The following CMIP variants were observed in gnomAD, a reference collection of about 807,000 sequenced individuals.
CMIP encodes c-Maf inducing protein.
CMIP carries 13 observed loss-of-function variants against 97.3 expected under a neutral mutation model. That is an observed-to-expected ratio of 0.13 (90% CI 0.09 to 0.21). CMIP has a LOEUF of 0.21. CMIP is among the 10% of genes least tolerant of loss of function. The probability of loss-of-function intolerance (pLI) is 1.00; values close to 1 mark genes in which losing one functional copy is unlikely to be tolerated. For missense variants in CMIP, 847 were observed against 1,024.9 expected (o/e 0.83, Z 2.37); for synonymous variants, 538 against 436.3 (o/e 1.23, Z -2.91).
At chr16:81,461,510 A>G (rs1230428221) in intron 1 of CMIP, among the ~76,000 whole-genome samples, 2 of 152,154 alleles carry the variant, frequency 1.3e-5, no homozygotes, top group East Asian at 1.9e-4. Flanking sequence ...CTAATAATCA[A>G]TTGTTGTTGG....
intron 3 of CMIP, among the ~76,000 whole-genome samples, chr16:81,626,805 GTGTGT>G (rs1315110293): frequency 6.7e-5 from 9 of 135,102 alleles, no homozygotes; most frequent in African/African-American, 2.1e-4. Context: ...GTGTGTGTGT[GTGTGT>G]GTGTGTGGGG....
intron 1 of CMIP, among the ~76,000 whole-genome samples, chr16:81,458,278 C>A (rs889104979): frequency 6.6e-6 from 1 of 152,156 alleles, no homozygotes. Flanking sequence ...ACCCCATCAC[C>A]TGGAAGGCTA....
chr16:81,663,183 C>A (rs1027431541), intron 6 of CMIP, among the ~76,000 whole-genome samples: 1 of 151,854 alleles, frequency 6.6e-6, no homozygotes, highest in South Asian at 2.1e-4. Context: ...CAAACATCTA[C>A]ATGCCGACGT....
chr16:81,672,013 A>C lies in CMIP; in HGVS notation c.977A>C (p.Asn326Thr). 6.2e-7 allele frequency: 1 copy of C among 1,606,614 alleles called. No homozygotes were observed. Among genetic ancestry groups the C allele is most frequent in the Non-Finnish European group, 8.5e-7 (1 of 1,176,398 alleles). Residue 326 changes from asparagine (N) to threonine (T), a missense_variant, in exon 9 of 21, where the codon AAC becomes ACC. Physicochemically the swap from Asn to Thr is moderately conservative, Grantham distance 65. Coordinates refer to ENST00000537098, the MANE Select transcript of CMIP (RefSeq NM_198390.3). ...TGCCCCCACCCCCGGGTCCTGCCCA[A>C]CCTGGTGGCCGTGTGCCTGGCTGCC... ...GHCPHPRVLP[N>T]LVAVCLAAIY...
At chr16:81,554,820 A>T (rs560566384) in intron 1 of CMIP, among the ~76,000 whole-genome samples, 13 of 152,368 alleles carry the variant, frequency 8.5e-5, no homozygotes, top group Admixed American at 7.8e-4. Flanking sequence ...TAGAGTGCTT[A>T]GCATCGTGTC....
rs1397244187 is a variant in CMIP at position 81,453,505 on chromosome 16, GCA to G, written c.300+7969_300+7970del. 6.6e-6 allele frequency among the ~76,000 whole-genome samples: 1 copy of G among 152,210 alleles called. No individual in the cohort carries two copies. The highest frequency in any genetic ancestry group is 1.9e-4 in the East Asian group (1 of 5,194). On this transcript the variant is annotated intron_variant, in intron 1 of 20. Coordinates refer to ENST00000537098, the MANE Select transcript of CMIP (RefSeq NM_198390.3). This position sits in a 1 kb window ranked among gnomAD's most constrained non-coding sequence, Gnocchi z 4.0. ...AGGTCCAGGATATCTGAAAATTGGAGCACACAGTCTGAGCAGACCCAGGCCTG... is the reference window on the plus strand; with the variant it reads ...AGGTCCAGGATATCTGAAAATTGGAGCACAGTCTGAGCAGACCCAGGCCTG...
intron 1 of CMIP, among the ~76,000 whole-genome samples, chr16:81,543,926 C>T (rs897211747): frequency 3.3e-5 from 5 of 152,206 alleles, no homozygotes; most frequent in African/African-American, 9.6e-5. Flanking sequence ...AGGTCTGAAT[C>T]GTATTATCGG....
intron 15 of CMIP, among the ~76,000 whole-genome samples, chr16:81,700,946 G>T (rs1272318145): frequency 1.3e-5 from 2 of 152,178 alleles, no homozygotes; most frequent in Non-Finnish European, 2.9e-5. Flanking sequence ...ACAGGCAAGA[G>T]GCGCTGTGAG....
intron 3 of CMIP, among the ~76,000 whole-genome samples, chr16:81,640,307 C>G (rs370008496): frequency 4.0e-5 from 6 of 150,044 alleles, no homozygotes; most frequent in African/African-American, 1.5e-4. Flanking sequence ...CCCAATTCCC[C>G]AGGGAAAGAA....
At chr16:81,633,763 C>CA (rs1331966340) in intron 3 of CMIP, among the ~76,000 whole-genome samples, 3 of 152,238 alleles carry the variant, frequency 2.0e-5, no homozygotes, top group African/African-American at 7.2e-5. Flanking sequence ...GGGGCTGGCA[C>CA]ATGCTTGGAC....
chr16:81,710,003 T>C lies in CMIP; in HGVS notation c.*204T>C, dbSNP rs1908584580. 2 of 545,034 alleles carry C rather than the reference T, an allele frequency of 3.7e-6. No homozygotes were observed. Among genetic ancestry groups the C allele is most frequent in the East Asian group, 3.2e-5 (1 of 31,102 alleles). The allele number at this position is 545,034 out of a possible 1,614,324, so 33.8% of individuals were successfully genotyped here. Reference sequence around the variant, plus strand: ...CCCCCGCCGAATTCTTTTAGCTTCGTAATTGGAACCTTTGACCTGATCTAA... The same window carrying C: ...CCCCCGCCGAATTCTTTTAGCTTCGCAATTGGAACCTTTGACCTGATCTAA... On this transcript the variant is annotated 3_prime_UTR_variant, in exon 21 of 21. Transcript: ENST00000537098.
At chr16:81,610,417 G>C (rs572492415) in intron 2 of CMIP, 6 of 985,992 alleles carry the variant, frequency 6.1e-6, no homozygotes, top group Non-Finnish European at 7.2e-6. Flanking sequence ...AGCAGGAGAG[G>C]AGGAAGCAGA....
chr16:81,660,859 C>G (rs761021576), intron 5 of CMIP, 25 bp from the exon 6 acceptor site: 7 of 1,613,808 alleles, frequency 4.3e-6, no homozygotes, highest in Non-Finnish European at 5.9e-6. Context: ...CCCACGGTTC[C>G]TGATGCTTGT....
intron 5 of CMIP, among the ~76,000 whole-genome samples, chr16:81,658,568 A>G (rs148245184): frequency 3.9e-3 from 593 of 152,354 alleles, no homozygotes; most frequent in African/African-American, 0.013. Flanking sequence ...CTGGGTTTTG[A>G]AGGATCAATA....
At chr16:81,513,977 C>T (rs1050821416) in intron 1 of CMIP, among the ~76,000 whole-genome samples, 2 of 151,760 alleles carry the variant, frequency 1.3e-5, no homozygotes, top group Non-Finnish European at 2.9e-5. Flanking sequence ...GTTTTGACCC[C>T]AAAACAGACC....
At chr16:81,634,720 GAAC>G (rs2092212380) in intron 3 of CMIP, among the ~76,000 whole-genome samples, 1 of 152,182 alleles carries the variant, frequency 6.6e-6, no homozygotes, top group African/African-American at 2.4e-5. Context: ...ATTTATTAAA[GAAC>G]AGGATCCTTC....
intron 1 of CMIP, among the ~76,000 whole-genome samples, chr16:81,450,962 C>G (rs1012332652): frequency 6.6e-6 from 1 of 152,242 alleles, no homozygotes; most frequent in African/African-American, 2.4e-5. Context: ...CTTCACTGGA[C>G]AGTATATTTT....
chr16:81,445,141 G>A lies in CMIP; in HGVS notation c.-101G>A. The A allele has an allele frequency of 1.7e-6, 1 of 599,134 alleles. No homozygotes were observed. Among genetic ancestry groups the A allele is most frequent in the Non-Finnish European group, 2.5e-6 (1 of 395,446 alleles). The allele number at this position is 599,134 out of a possible 1,614,324, so 37.1% of individuals were successfully genotyped here. On this transcript the variant is annotated 5_prime_UTR_variant, in exon 1 of 21. Coordinates refer to ENST00000537098, the MANE Select transcript of CMIP (RefSeq NM_198390.3). ...GCCCCACACCCCCCCACCTTCCCGG[G>A]GGGTGGGGGGGTGCGGGCCGCCGGA...
At chr16:81,658,358 T>G (rs1351329270) in intron 5 of CMIP, among the ~76,000 whole-genome samples, 5 of 152,220 alleles carry the variant, frequency 3.3e-5, no homozygotes, top group Admixed American at 3.3e-4. Context: ...AGAAATGAAA[T>G]TGCACCTGCT....
Sources: allele counts gnomAD v4.1 joint callset (sites outside exome capture counted in the v4.1 genomes callset), GRCh38; gene constraint gnomAD v4.1.1; non-coding constraint Gnocchi (gnomAD v3.1); transcripts MANE v1.5; gene names NCBI Gene and HGNC (gene_info 2026-07-23, HGNC 2026-07-21).